The following ANKRD22 variants were observed in gnomAD, a reference collection of about 807,000 sequenced individuals.
ANKRD22 encodes ankyrin repeat domain 22.
In ANKRD22, 24 loss-of-function variants were observed where a neutral mutation model predicts 25.7. The observed-to-expected ratio is 0.93, with a 90% CI of 0.68 to 1.31. The LOEUF is 1.31. Among genes scored for constraint, ANKRD22 ranks in the 50% most tolerant of loss-of-function variants. The pLI, the probability that ANKRD22 is intolerant of heterozygous loss-of-function variation, is 0.00. For missense variants in ANKRD22, 214 were observed against 227.1 expected (o/e 0.94, Z 0.37); for synonymous variants, 84 against 84.3 (o/e 1.00, Z 0.02).
Position 88,823,580 on chromosome 10 carries a change from C to G in ANKRD22, c.400-202G>C, listed in dbSNP as rs529022921. The G allele has an allele frequency of 7.4e-5, 36 of 484,136 alleles. No homozygotes were observed. The East Asian group carries it at 1.4e-3, about 19-fold the overall frequency. 30.0% of individuals were successfully genotyped at this position (484,136 alleles called of 1,614,324 possible). A position where few individuals can be genotyped will look rare whatever the true frequency, so the allele number is the denominator to read the frequency against. On this transcript the variant is annotated intron_variant, in intron 4 of 5. Coordinates refer to ENST00000371930, the MANE Select transcript of ANKRD22 (RefSeq NM_144590.3). ...CGGTGGCTCACGCCTGTAATCCCAG[C>G]ACTTTGGGAGGCCGAGGCGGGCGGA...
At chr10:88,846,693 G>A (rs1844052087) in intron 1 of ANKRD22, among the ~76,000 whole-genome samples, 1 of 152,198 alleles carries the variant, frequency 6.6e-6, no homozygotes, top group Non-Finnish European at 1.5e-5. Context: ...TATTACAGCA[G>A]GTTTACATTT....
chr10:88,820,747 A>G lies in ANKRD22; in HGVS notation c.*2194T>C, dbSNP rs1319310481. On this transcript the variant is annotated 3_prime_UTR_variant, in exon 6 of 6. Coordinates refer to ENST00000371930, the MANE Select transcript of ANKRD22 (RefSeq NM_144590.3). ...GGTAGGTTTTACCTGATAGCCAGAA[A>G]ATATCTAGACATTCTCTATATCATT... is the stretch of plus-strand genomic sequence containing the variant. Among the ~76,000 whole-genome samples, 1 of 152,220 alleles carries G rather than the reference A, an allele frequency of 6.6e-6. No homozygotes were observed. The highest frequency in any genetic ancestry group is 2.4e-5 in the African/African-American group (1 of 41,454).
At chr10:88,829,489 A>G (rs1843885520) in intron 2 of ANKRD22, among the ~76,000 whole-genome samples, 1 of 152,236 alleles carries the variant, frequency 6.6e-6, no homozygotes, top group African/African-American at 2.4e-5. Flanking sequence ...TATTATATTA[A>G]ATGGTCCAGA....
chr10:88,848,186 G>GTATGTATGTATA (rs1480831330), intron 1 of ANKRD22, among the ~76,000 whole-genome samples: 2 of 137,392 alleles, frequency 1.5e-5, no homozygotes, highest in Admixed American at 1.4e-4. Flanking sequence ...ATATATATAT[G>GTATGTATGTATA]TATATATGTA....
intron 4 of ANKRD22, 35 bp from the exon 5 acceptor site, chr10:88,823,413 G>A (rs1030198115): frequency 4.0e-6 from 6 of 1,518,270 alleles, no homozygotes; most frequent in African/African-American, 1.4e-5. Flanking sequence ...CAGCTCATAA[G>A]TCGGGCCCTC....
At position 88,826,111 on chromosome 10, in the gene ANKRD22, G is replaced by C. The variant is rs1165426559; in HGVS notation, c.326C>G (p.Ser109Ter). The C allele has an allele frequency of 6.2e-7, 1 of 1,607,650 alleles. No homozygotes were observed. Among genetic ancestry groups the C allele is most frequent in the East Asian group, 2.2e-5 (1 of 44,832 alleles). The part of the protein sequence containing the change: ...VLLIGYFLMV[S>*]KTKQNEALVR... ...AAGAGCCTCATTCTGCTTTGTCTTTGATACCTATTACAAATGGTAATTATA... is the reference window on the plus strand; with the variant it reads ...AAGAGCCTCATTCTGCTTTGTCTTTCATACCTATTACAAATGGTAATTATA... The change falls in exon 4 of 6, where the codon TCA (serine) becomes TGA (stop). Residue 109 changes from serine (S) to a stop codon, truncating the protein, a stop_gained. Coordinates refer to ENST00000371930, the MANE Select transcript of ANKRD22 (RefSeq NM_144590.3). LOFTEE classifies it high-confidence loss of function.
chr10:88,846,969 A>T (rs150116669), intron 1 of ANKRD22, among the ~76,000 whole-genome samples: 7 of 152,244 alleles, frequency 4.6e-5, no homozygotes, highest in African/African-American at 1.7e-4. Flanking sequence ...ATTTAATGCC[A>T]TGTTTTTTCT....
rs772050443 is a variant in ANKRD22, at chr10:88,831,948, C to G, written c.100G>C (p.Val34Leu). The G allele has an allele frequency of 1.2e-6, 2 of 1,613,930 alleles. No homozygotes were observed. Among genetic ancestry groups the G allele is most frequent in the East Asian group, 2.2e-5 (1 of 44,870 alleles). The change falls in exon 2 of 6, where the codon GTT becomes CTT. Residue 34 changes from valine (V) to leucine (L), a missense_variant. Physicochemically the swap from Val to Leu is conservative, Grantham distance 32. Transcript: ENST00000371930. Reference sequence around the variant, plus strand: ...GTGTCTCCATTAAAGCCATCTTGAACGTTGGCATAGCTGCTGTCTTCTTTC... The same window carrying G: ...GTGTCTCCATTAAAGCCATCTTGAAGGTTGGCATAGCTGCTGTCTTCTTTC... ...WVKEDSSYAN[V>L]QDGFNGDTPL... is the part of the protein sequence containing the mutation.
chr10:88,836,148 T>C (rs1296829015), intron 1 of ANKRD22, among the ~76,000 whole-genome samples: 1 of 152,216 alleles, frequency 6.6e-6, no homozygotes, highest in Non-Finnish European at 1.5e-5. Flanking sequence ...ATGCCGTTTT[T>C]ACAACTTCAT....
intron 3 of ANKRD22, 78 bp from the exon 4 acceptor site, chr10:88,826,193 T>C (rs1843854669): frequency 1.6e-6 from 2 of 1,240,746 alleles, no homozygotes; most frequent in Non-Finnish European, 2.3e-6. Context: ...ATTTAATCAA[T>C]AGGCTTCATT....
At chr10:88,826,414 C>G (rs535999952) in intron 3 of ANKRD22, among the ~76,000 whole-genome samples, 2 of 152,300 alleles carry the variant, frequency 1.3e-5, no homozygotes, top group Admixed American at 6.5e-5. Flanking sequence ...ACCTGTCTTT[C>G]CCTTCCTGGC....
chr10:88,826,390 G>A (rs1393797748), intron 3 of ANKRD22, among the ~76,000 whole-genome samples: 1 of 152,164 alleles, frequency 6.6e-6, no homozygotes, highest in Admixed American at 6.5e-5. Flanking sequence ...ATTCCACTGA[G>A]GATGGGGCCT....
chr10:88,849,132 C>T (rs1049225780), intron 1 of ANKRD22, among the ~76,000 whole-genome samples: 1 of 151,946 alleles, frequency 6.6e-6, no homozygotes, highest in African/African-American at 2.4e-5. Context: ...CTTTTTGGGG[C>T]CTGTGTCTGC....
intron 4 of ANKRD22, among the ~76,000 whole-genome samples, chr10:88,824,837 T>C (rs189586275): frequency 1.2e-3 from 176 of 152,326 alleles, no homozygotes; most frequent in African/African-American, 4.0e-3. Context: ...TCAACAAACT[T>C]TTAACTTCAT....
rs199828548 is a variant in ANKRD22 at position 88,831,902 on chromosome 10, C to T, written c.146G>A (p.Arg49Lys). 7.1e-4 allele frequency: 1,147 copies of T among 1,613,340 alleles called. 11 individuals carry two copies. The South Asian group carries it at 0.012, about 17-fold the overall frequency. Residue 49 changes from arginine (R) to lysine (K), a missense_variant, in exon 2 of 6, where the codon AGG becomes AAG. Physicochemically the swap from Arg to Lys is conservative, Grantham distance 26 (BLOSUM62 2). Coordinates refer to ENST00000371930, the MANE Select transcript of ANKRD22 (RefSeq NM_144590.3). ...NGDTPLICAC[R>K]RGHVRIVSFL... ...GGAAACGATTCTCACATGCCCTCGC[C>T]TGCAAGCACAGATCAGGGGCGTGTC...
intron 5 of ANKRD22, 86 bp downstream of exon 5, chr10:88,823,194 A>G (rs1843817263): frequency 1.5e-6 from 2 of 1,337,772 alleles, no homozygotes; most frequent in Admixed American, 1.8e-5. Flanking sequence ...TTTACGTCAG[A>G]GGCAAATAAT....
At chr10:88,829,319 G>C (rs1843884127) in intron 2 of ANKRD22, among the ~76,000 whole-genome samples, 1 of 152,184 alleles carries the variant, frequency 6.6e-6, no homozygotes, top group African/African-American at 2.4e-5. Flanking sequence ...AGAGGAGAGG[G>C]AGCCCAAGAG....
intron 1 of ANKRD22, among the ~76,000 whole-genome samples, chr10:88,833,256 T>C (rs181331184): frequency 1.7e-4 from 26 of 151,310 alleles, no homozygotes; most frequent in African/African-American, 4.4e-4. Flanking sequence ...AATCTTCAGA[T>C]GATGTCTTTT....
intron 1 of ANKRD22, among the ~76,000 whole-genome samples, chr10:88,837,284 T>C: frequency 6.6e-6 from 1 of 152,222 alleles, no homozygotes; most frequent in East Asian, 1.9e-4. Context: ...AAGAATTAAA[T>C]GTAACTGTGC....
Sources: gnomAD v4.1 joint callset for allele counts (sites outside exome capture counted in the v4.1 genomes callset) on GRCh38, gnomAD v4.1.1 for gene constraint, MANE v1.5 for transcripts, NCBI Gene and HGNC (gene_info 2026-07-23, HGNC 2026-07-21) for gene names.